SIMC1: variants seen among roughly 807,000 people sequenced by gnomAD.
SIMC1 encodes SUMO interacting motifs containing 1.
SIMC1 carries 55 observed loss-of-function variants against 82.3 expected under a neutral mutation model. That is an observed-to-expected ratio of 0.67 (90% CI 0.54 to 0.84). SIMC1 has a LOEUF of 0.84. Ranked by LOEUF, SIMC1 falls within the 40% of genes least tolerant of loss-of-function variation. SIMC1 has a pLI of 0.00. For missense variants in SIMC1, 915 were observed against 1,107.2 expected, an observed-to-expected ratio of 0.83 and a Z score of 2.46; for synonymous variants, 353 against 426.3, an observed-to-expected ratio of 0.83 and a Z score of 2.12.
At chr5:176,308,708 A>C in intron 4 of SIMC1, 1 of 1,483,626 alleles carries the variant, frequency 6.7e-7, no homozygotes, top group Non-Finnish European at 9.4e-7. Context: ...TCGAAATCCC[A>C]ATCCATATTG....
intron 5 of SIMC1, among the ~76,000 whole-genome samples, chr5:176,316,513 C>CA (rs60873841): frequency 0.15 from 18,066 of 122,434 alleles, 1,170 homozygotes; most frequent in Middle Eastern, 0.2. Context: ...CTAAAAAATA[C>CA]AAAAAAAAAA....
chr5:176,288,721 C>G (rs1251238020), intron 1 of SIMC1, among the ~76,000 whole-genome samples: 3 of 152,180 alleles, frequency 2.0e-5, no homozygotes, highest in African/African-American at 2.4e-5. Context: ...TGGTGACCAT[C>G]TATTAAGAGA....
intron 1 of SIMC1, among the ~76,000 whole-genome samples, chr5:176,260,611 A>G (rs200729088): frequency 3.7e-5 from 4 of 108,192 alleles, no homozygotes; most frequent in Non-Finnish European, 9.3e-5. Flanking sequence ...TGGTTAAAAA[A>G]GGAAAAAAAA....
chr5:176,311,697 C>A (rs1259397111), intron 4 of SIMC1, among the ~76,000 whole-genome samples: 1 of 152,060 alleles, frequency 6.6e-6, no homozygotes, highest in Non-Finnish European at 1.5e-5. Flanking sequence ...AAAAACTTCA[C>A]AAGAAAGGAA....
At chr5:176,247,318 T>C (rs1412042643) in intron 1 of SIMC1, among the ~76,000 whole-genome samples, 1 of 152,210 alleles carries the variant, frequency 6.6e-6, no homozygotes, top group Non-Finnish European at 1.5e-5. Flanking sequence ...TGTGAGATAG[T>C]GTATCATTGT....
chr5:176,248,016 A>G (rs901425494), intron 1 of SIMC1, among the ~76,000 whole-genome samples: 5 of 151,730 alleles, frequency 3.3e-5, no homozygotes. Flanking sequence ...GTAGCCTTGT[A>G]GTATAGTTTG....
Position 176,342,859 on chromosome 5 carries a change from T to C in SIMC1, c.2414-2324T>C, listed in dbSNP as rs189475189. On this transcript the variant is annotated intron_variant, in intron 9 of 9. Coordinates refer to ENST00000429602, the MANE Select transcript of SIMC1 (RefSeq NM_001308195.2). ...ATAATCAATATTGTTGACTAACTTA[T>C]CATCAGGCTTCCTGCAACTAGAATA... Among the ~76,000 whole-genome samples, 7 of 152,354 alleles carry C rather than the reference T, an allele frequency of 4.6e-5. No individual in the cohort carries two copies. In the East Asian group the frequency reaches 1.3e-3, roughly 29 times the overall value.
chr5:176,294,720 T>G (rs1177711196), intron 2 of SIMC1, among the ~76,000 whole-genome samples: 1 of 151,684 alleles, frequency 6.6e-6, no homozygotes, highest in African/African-American at 2.4e-5. Flanking sequence ...CCCAGCACTT[T>G]GGGAGGCTGA....
chr5:176,328,323 A>C (rs1189961895), intron 7 of SIMC1, among the ~76,000 whole-genome samples: 1 of 152,212 alleles, frequency 6.6e-6, no homozygotes, highest in Non-Finnish European at 1.5e-5. Flanking sequence ...TTTGTTTAAA[A>C]AAGAAACAAA....
intron 4 of SIMC1, among the ~76,000 whole-genome samples, chr5:176,310,991 A>G (rs532830758): frequency 6.6e-6 from 1 of 152,256 alleles, no homozygotes; most frequent in African/African-American, 2.4e-5. Context: ...ATTACATATT[A>G]TATGATTCTA....
At chr5:176,308,145 G>T in intron 4 of SIMC1, 16 of 1,049,690 alleles carry the variant, frequency 1.5e-5, no homozygotes, top group Non-Finnish European at 2.4e-5. Context: ...CATGCTCTGA[G>T]CACAGAGAAG....
Position 176,295,262 on chromosome 5 carries a change from A to G in SIMC1, c.1664A>G (p.Gln555Arg), listed in dbSNP as rs2560203. The G allele has an allele frequency of 1.3e-5, 21 of 1,611,424 alleles. No homozygotes were observed. In the East Asian group the frequency reaches 3.3e-4, roughly 26 times the overall value. Residue 555 changes from glutamine to arginine, a missense_variant and splice_region_variant, in exon 3 of 10, where the codon CAG becomes CGG. Gln to Arg is a conservative substitution (Grantham distance 43, BLOSUM62 1). Transcript: ENST00000429602. ...EAYMLLMKIQQLHPANAKTVE... is the reference protein window; with the variant it reads ...EAYMLLMKIQRLHPANAKTVE... ...TACATGCTTCTCATGAAAATTCAAC[A>G]GTATGAACCGTAACCTCTGGCTGTT...
At chr5:176,311,960 CA>C (rs1764682654) in intron 4 of SIMC1, among the ~76,000 whole-genome samples, 1 of 152,106 alleles carries the variant, frequency 6.6e-6, no homozygotes, top group Non-Finnish European at 1.5e-5. Context: ...CCTTATCTTC[CA>C]AAATGGGGAG....
chr5:176,304,706 G>A (rs1319029686), intron 4 of SIMC1, among the ~76,000 whole-genome samples: 6 of 149,250 alleles, frequency 4.0e-5, no homozygotes, highest in African/African-American at 7.4e-5. Flanking sequence ...AGTGAGGAGC[G>A]TCTCCGCCCG....
intron 5 of SIMC1, among the ~76,000 whole-genome samples, chr5:176,316,329 G>A (rs1460333519): frequency 6.6e-6 from 1 of 151,936 alleles, no homozygotes; most frequent in Non-Finnish European, 1.5e-5. Flanking sequence ...ACCTCCTGTG[G>A]TGTGAGCCTC....
At chr5:176,274,709 C>T (rs1762603400) in intron 1 of SIMC1, among the ~76,000 whole-genome samples, 1 of 151,856 alleles carries the variant, frequency 6.6e-6, no homozygotes, top group South Asian at 2.1e-4. Flanking sequence ...GATCCAGTTT[C>T]AGCTTTCTAC....
intron 4 of SIMC1, among the ~76,000 whole-genome samples, chr5:176,298,423 C>T (rs1286633829): frequency 2.0e-5 from 3 of 152,168 alleles, no homozygotes; most frequent in East Asian, 3.9e-4. Flanking sequence ...CACCTGAGGT[C>T]GGGAGTTCGA....
At chr5:176,245,508 A>G (rs549094059) in intron 1 of SIMC1, among the ~76,000 whole-genome samples, 4 of 152,308 alleles carry the variant, frequency 2.6e-5, no homozygotes, top group Admixed American at 6.5e-5. Context: ...GGAAACTAAT[A>G]TAGCCTCTTG....
At chr5:176,313,590 T>C (rs1764765861) in intron 4 of SIMC1, 101 bp from the exon 5 acceptor site, 2 of 1,565,572 alleles carry the variant, frequency 1.3e-6, no homozygotes, top group South Asian at 1.2e-5. Context: ...TACTTGTTGA[T>C]GCATGGCCTT....
Sources: gnomAD v4.1 joint callset for allele counts (sites outside exome capture counted in the v4.1 genomes callset) on GRCh38, gnomAD v4.1.1 for gene constraint, MANE v1.5 for transcripts, NCBI Gene and HGNC (gene_info 2026-07-23, HGNC 2026-07-21) for gene names.